Variants in ADAR observed in about 807,000 individuals in gnomAD.
ADAR encodes the protein double-stranded RNA-specific adenosine deaminase.
Under a neutral mutation model 113.2 loss-of-function variants are expected in ADAR, and 41 were observed. That is an observed-to-expected ratio of 0.36 (90% CI 0.28 to 0.47). The LOEUF is 0.47. ADAR is among the 20% of genes least tolerant of loss of function. The pLI, the probability that ADAR is intolerant of heterozygous loss-of-function variation, is 1.00. For synonymous variants in ADAR, 605 were observed against 572.6 expected, an observed-to-expected ratio of 1.06 and a Z score of -0.81; for missense variants, 1,242 against 1,540.9, an observed-to-expected ratio of 0.81 and a Z score of 3.25.
At chr1:154,614,338 C>T (rs367685576) in intron 1 of ADAR, among the ~76,000 whole-genome samples, 1 of 152,326 alleles carries the variant, frequency 6.6e-6, no homozygotes, top group Admixed American at 6.5e-5. Context: ...ACAGAGGTTC[C>T]GCTACTGGCC....
At chr1:154,626,135 TG>T (rs1209036093) in intron 1 of ADAR, among the ~76,000 whole-genome samples, 2 of 151,378 alleles carry the variant, frequency 1.3e-5, no homozygotes, top group Non-Finnish European at 2.9e-5. Flanking sequence ...TTTTTTTTTT[TG>T]AGATACAGTT....
chr1:154,594,738 C>T (rs1162723798), intron 6 of ADAR, among the ~76,000 whole-genome samples: 3 of 152,214 alleles, frequency 2.0e-5, no homozygotes, highest in Admixed American at 6.5e-5. Context: ...CCACCCAAGA[C>T]ATCATTTCTG....
At position 154,583,287 on chromosome 1, in the gene ADAR, T is replaced by C. The variant is rs1447250487; in HGVS notation, c.*1519A>G. 6.6e-6 allele frequency: 1 copy of C among 152,242 alleles called. No individual in the cohort carries two copies. The highest frequency in any genetic ancestry group is 1.5e-5 in the Non-Finnish European group (1 of 68,052). 9.4% of individuals were successfully genotyped at this position (152,242 alleles called of 1,614,324 possible). On this transcript the variant is annotated 3_prime_UTR_variant, in exon 15 of 15. Coordinates refer to ENST00000368474, the MANE Select transcript of ADAR (RefSeq NM_001111.5). ...CACGGCACCAAGTCTATGCTTGGGC[T>C]CTTCCCTGCTCTGCTCTTGGAGTCA...
At chr1:154,625,342 C>A (rs532775552) in intron 1 of ADAR, among the ~76,000 whole-genome samples, 7 of 152,152 alleles carry the variant, frequency 4.6e-5, no homozygotes, top group Admixed American at 2.0e-4. Flanking sequence ...TGAGCAAGGG[C>A]AAGAGCAAGA....
intron 1 of ADAR, among the ~76,000 whole-genome samples, chr1:154,623,015 G>A (rs923375285): frequency 6.6e-6 from 1 of 152,178 alleles, no homozygotes; most frequent in Non-Finnish European, 1.5e-5. Context: ...TGAGTGCTAT[G>A]AAGACAAATA....
chr1:154,588,817 G>C lies in ADAR; in HGVS notation c.2763-144C>G, dbSNP rs1410437977. On this transcript the variant is annotated intron_variant, in intron 9 of 14. Coordinates refer to ENST00000368474, the MANE Select transcript of ADAR (RefSeq NM_001111.5). ...AGTTTATCAGGTGGAAATTCTCCAG[G>C]GGAGACCTCAGCATTTCATAAAGCA... is the stretch of plus-strand genomic sequence containing the variant. 5 of 1,187,654 alleles carry C rather than the reference G, an allele frequency of 4.2e-6. No homozygotes were observed. The Admixed American group carries it at 7.2e-5, about 17-fold the overall frequency. 73.6% of individuals were successfully genotyped at this position (1,187,654 alleles called of 1,614,324 possible). A position where few individuals can be genotyped will look rare whatever the true frequency, so the allele number is the denominator to read the frequency against.
intron 1 of ADAR, among the ~76,000 whole-genome samples, chr1:154,625,086 G>T (rs1182251425): frequency 6.6e-6 from 1 of 152,218 alleles, no homozygotes; most frequent in African/African-American, 2.4e-5. Context: ...TCCCAGCACA[G>T]TGTACCCATG....
chr1:154,591,505 C>G (rs1697145555), intron 6 of ADAR, among the ~76,000 whole-genome samples: 1 of 152,236 alleles, frequency 6.6e-6, no homozygotes, highest in Non-Finnish European at 1.5e-5. Flanking sequence ...GGCGCATGAG[C>G]TGCGCTGACA....
chr1:154,586,507 A>C (rs1185288737), intron 11 of ADAR, 144 bp from the exon 12 acceptor site: 11 of 884,676 alleles, frequency 1.2e-5, no homozygotes, highest in Non-Finnish European at 1.8e-5. Flanking sequence ...TGCGCCAGGC[A>C]CTATGCTTGG....
At chr1:154,626,250 G>C (rs773582325) in intron 1 of ADAR, among the ~76,000 whole-genome samples, 1 of 151,388 alleles carries the variant, frequency 6.6e-6, no homozygotes, top group Non-Finnish European at 1.5e-5. Flanking sequence ...AAGTAGCTGG[G>C]ATCACAGATG....
chr1:154,585,078 A>G (rs1696659416), intron 14 of ADAR, 35 bp from the exon 15 acceptor site: 1 of 1,612,004 alleles, frequency 6.2e-7, no homozygotes, highest in Non-Finnish European at 8.5e-7. Flanking sequence ...TTCACCTGGG[A>G]CCTGTAAGAT....
intron 6 of ADAR, among the ~76,000 whole-genome samples, chr1:154,595,205 G>A (rs750339403): frequency 1.3e-5 from 2 of 152,222 alleles, no homozygotes; most frequent in Admixed American, 6.5e-5. Flanking sequence ...CTGTGAATGC[G>A]AGGGATCTAG....
chr1:154,616,383 T>G (rs992804637), intron 1 of ADAR, among the ~76,000 whole-genome samples: 2 of 151,976 alleles, frequency 1.3e-5, no homozygotes, highest in Admixed American at 1.3e-4. Flanking sequence ...CATCTCTCTG[T>G]CCCCCAGCCT....
chr1:154,589,358 A>C lies in ADAR; in HGVS notation c.2762+11T>G. The C allele has an allele frequency of 1.2e-6, 2 of 1,612,634 alleles. No homozygotes were observed. The highest frequency in any genetic ancestry group is 1.7e-6 in the Non-Finnish European group (2 of 1,178,896). ...GCCGGGCAGCCGGGCCACAGCTCTG[A>C]CCTCGCTCACCTGATGAAGCCTCTC... On this transcript the variant is annotated intron_variant, in intron 9 of 14. Coordinates refer to ENST00000368474, the MANE Select transcript of ADAR (RefSeq NM_001111.5).
At position 154,601,286 on chromosome 1, in the gene ADAR, G is replaced by C. The variant is rs754574345; in HGVS notation, c.1356C>G (p.Gly452=). 6.2e-7 allele frequency: 1 copy of C among 1,614,228 alleles called. No individual in the cohort carries two copies. Among genetic ancestry groups the C allele is most frequent in the Admixed American group, 1.7e-5 (1 of 60,026 alleles). ...CTGGGATGTCATCTGTGGCCCACTG[G>C]CCATTTTCAAAGTCAACATACCCTG... The part of the protein sequence containing the change: ...SKAGYVDFEN[G]QWATDDIPDD... The change falls in exon 2 of 15, where the codon GGC becomes GGG. Residue 452 remains glycine (G), a synonymous_variant. Coordinates refer to ENST00000368474, the MANE Select transcript of ADAR (RefSeq NM_001111.5). The surrounding 1 kb of genome is among the most constrained non-coding windows in gnomAD (Gnocchi z 4.7).
chr1:154,585,088 T>C (rs372228353), intron 14 of ADAR, 45 bp from the exon 15 acceptor site: 2 of 1,612,018 alleles, frequency 1.2e-6, no homozygotes, highest in Non-Finnish European at 8.5e-7. Context: ...ACCTGTAAGA[T>C]AAGGAGCTCA....
At position 154,585,810 on chromosome 1, in the gene ADAR, T is replaced by G. The variant is rs1334043148; in HGVS notation, c.3258A>C (p.Arg1086Ser). The G allele has an allele frequency of 1.9e-6, 3 of 1,614,062 alleles. No individual in the cohort carries two copies. The highest frequency in any genetic ancestry group is 2.5e-6 in the Non-Finnish European group (3 of 1,179,934). Residue 1086 changes from arginine to serine, a missense_variant, in exon 13 of 15, where the codon AGA (arginine) becomes AGC (serine). Coordinates refer to ENST00000368474, the MANE Select transcript of ADAR (RefSeq NM_001111.5). Reference protein sequence around the residue: ...LTRAICCRVTRDGSAFEDGLR... With the variant: ...LTRAICCRVTSDGSAFEDGLR... ...GTCCATCCTCAAATGCACTCCCATC[T>G]CTTGTCACACGACAGCAAATAGCAC...
intron 6 of ADAR, among the ~76,000 whole-genome samples, chr1:154,595,884 T>C (rs1368954222): frequency 6.6e-6 from 1 of 152,072 alleles, no homozygotes; most frequent in East Asian, 1.9e-4. Context: ...CCTATACAGG[T>C]GTAGTATTTT....
chr1:154,607,879 A>G (rs1029070706), intron 1 of ADAR, 113 bp downstream of exon 1: 1 of 1,534,262 alleles, frequency 6.5e-7, no homozygotes, highest in Non-Finnish European at 8.9e-7. Flanking sequence ...GACGACACAC[A>G]CACACACACT....
Sources: allele counts gnomAD v4.1 joint callset (sites outside exome capture counted in the v4.1 genomes callset), GRCh38; gene constraint gnomAD v4.1.1; non-coding constraint Gnocchi (gnomAD v3.1); transcripts MANE v1.5; gene names NCBI Gene and HGNC (gene_info 2026-07-23, HGNC 2026-07-21).